The following FGF14 variants were observed in gnomAD, a reference collection of about 807,000 sequenced individuals.
FGF14 encodes fibroblast growth factor homologous factor 4.
FGF14 carries 5 observed loss-of-function variants against 25.5 expected under a neutral mutation model. The observed-to-expected ratio is 0.20, with a 90% CI of 0.10 to 0.41. The LOEUF is 0.41. Among genes scored for constraint, FGF14 ranks in the 10% least tolerant of loss-of-function variants. The probability of loss-of-function intolerance (pLI) is 1.00; values close to 1 mark genes in which losing one functional copy is unlikely to be tolerated. For synonymous variants in FGF14, 138 were observed against 118.3 expected (o/e 1.17, Z -1.08); for missense variants, 222 against 320.1 (o/e 0.69, Z 2.34).
chr13:102,199,392 T>C (rs2049510277), intron 1 of FGF14, among the ~76,000 whole-genome samples: 1 of 152,214 alleles, frequency 6.6e-6, no homozygotes, highest in African/African-American at 2.4e-5. Context: ...TGCTAGGTGG[T>C]GAGTTGGTGA....
chr13:102,375,468 T>C (rs1488137337), intron 1 of FGF14, among the ~76,000 whole-genome samples: 2 of 152,188 alleles, frequency 1.3e-5, no homozygotes, highest in Non-Finnish European at 2.9e-5. Context: ...TTTGACTCAA[T>C]TTATCGTTAT....
chr13:101,869,444 A>C (rs1486441903), intron 2 of FGF14, among the ~76,000 whole-genome samples: 1 of 152,236 alleles, frequency 6.6e-6, no homozygotes, highest in African/African-American at 2.4e-5. Context: ...CTCTGTTGAT[A>C]AAATGTTAAA....
intron 1 of FGF14, among the ~76,000 whole-genome samples, chr13:102,006,727 C>CTT (rs774872814): frequency 0.14 from 8,849 of 61,972 alleles, 2,525 homozygotes; most frequent in East Asian, 0.38. Flanking sequence ...AATCTTACTT[C>CTT]TTTTTTTTTT....
intron 3 of FGF14, among the ~76,000 whole-genome samples, chr13:101,776,848 A>G (rs536400889): frequency 7.2e-5 from 11 of 152,320 alleles, no homozygotes; most frequent in African/African-American, 2.2e-4. Context: ...GTTCAAGTTC[A>G]AGGCCCTGGC....
At position 101,860,394 on chromosome 13, in the gene FGF14, T is replaced by C. The variant is rs1020116485; in HGVS notation, c.408+8331A>G. ...AAAAGGTGAGCTCTATGTATGGTCA[T>C]GTCATTCTGCTTACTCCTAGTTCAA... On this transcript the variant is annotated intron_variant, in intron 3 of 4. Coordinates refer to ENST00000376143, the MANE Select transcript of FGF14 (RefSeq NM_004115.4). 4.6e-5 allele frequency among the ~76,000 whole-genome samples: 7 copies of C among 152,060 alleles called. No individual in the cohort carries two copies. The East Asian group carries it at 1.2e-3, about 25-fold the overall frequency.
At chr13:102,245,650 T>C (rs1216684316) in intron 1 of FGF14, among the ~76,000 whole-genome samples, 3 of 152,072 alleles carry the variant, frequency 2.0e-5, no homozygotes, top group Non-Finnish European at 4.4e-5. Flanking sequence ...ATAATTTTAA[T>C]AGGATGGTAG....
At chr13:101,815,240 T>A (rs1456063856) in intron 3 of FGF14, among the ~76,000 whole-genome samples, 1 of 151,376 alleles carries the variant, frequency 6.6e-6, no homozygotes, top group African/African-American at 2.4e-5. Flanking sequence ...GTGGGAGGAG[T>A]GAAGTGGAGG....
At chr13:102,084,528 T>C (rs984830418) in intron 1 of FGF14, among the ~76,000 whole-genome samples, 2 of 152,300 alleles carry the variant, frequency 1.3e-5, no homozygotes, top group African/African-American at 4.8e-5. Context: ...TGTGAACTAC[T>C]CATTAAAATG....
intron 1 of FGF14, among the ~76,000 whole-genome samples, chr13:102,148,123 A>G (rs910462475): frequency 1.3e-5 from 2 of 152,140 alleles, no homozygotes; most frequent in Admixed American, 1.3e-4. Flanking sequence ...ATCGAAAATG[A>G]AAGTTTCATC....
At chr13:102,134,125 T>C (rs546500104) in intron 1 of FGF14, among the ~76,000 whole-genome samples, 12 of 152,320 alleles carry the variant, frequency 7.9e-5, no homozygotes, top group African/African-American at 2.9e-4. Context: ...AAATAAGTTA[T>C]AGTCCCTGCC....
intron 3 of FGF14, among the ~76,000 whole-genome samples, chr13:101,813,536 C>A (rs1310194644): frequency 1.3e-5 from 2 of 152,146 alleles, no homozygotes; most frequent in African/African-American, 4.8e-5. Context: ...ACTTCCCAGC[C>A]CCTAGAATGG....
intron 3 of FGF14, among the ~76,000 whole-genome samples, chr13:101,737,829 A>G (rs1566837198): frequency 6.6e-6 from 1 of 152,148 alleles, no homozygotes; most frequent in Non-Finnish European, 1.5e-5. Flanking sequence ...AGACCTTTAT[A>G]TCAAACATTT....
At chr13:101,921,991 T>C (rs926735814) in intron 1 of FGF14, among the ~76,000 whole-genome samples, 4 of 152,230 alleles carry the variant, frequency 2.6e-5, no homozygotes, top group Non-Finnish European at 4.4e-5. Flanking sequence ...TTGGGCTGTC[T>C]TCCCCGTTTA....
intron 1 of FGF14, among the ~76,000 whole-genome samples, chr13:102,109,567 A>AT (rs1221039990): frequency 2.6e-5 from 4 of 152,130 alleles, no homozygotes; most frequent in Non-Finnish European, 5.9e-5. Context: ...TATAATCACT[A>AT]TTTTTTGTAA....
chr13:102,288,391 T>C (rs59939931), intron 1 of FGF14, among the ~76,000 whole-genome samples: 1,530 of 152,256 alleles, frequency 0.01, 23 homozygotes, highest in African/African-American at 0.034. Context: ...CATAATAATA[T>C]TCATAGAATT....
chr13:102,322,654 A>T (rs1260600908), intron 1 of FGF14, among the ~76,000 whole-genome samples: 1 of 152,188 alleles, frequency 6.6e-6, no homozygotes, highest in East Asian at 1.9e-4. Flanking sequence ...TGGTACAATT[A>T]TCATCATTGA....
chr13:102,382,885 T>C (rs1343572705), intron 1 of FGF14, among the ~76,000 whole-genome samples: 1 of 152,110 alleles, frequency 6.6e-6, no homozygotes, highest in Non-Finnish European at 1.5e-5. Flanking sequence ...TTATGAAATA[T>C]CTAGAATAAG....
intron 1 of FGF14, among the ~76,000 whole-genome samples, chr13:102,288,727 G>A (rs2054230675): frequency 6.6e-6 from 1 of 152,076 alleles, no homozygotes; most frequent in Non-Finnish European, 1.5e-5. Flanking sequence ...TGAGGTTACA[G>A]GCGCCTGCCA....
chr13:101,860,531 G>T (rs1339445261), intron 3 of FGF14, among the ~76,000 whole-genome samples: 1 of 152,010 alleles, frequency 6.6e-6, no homozygotes, highest in Non-Finnish European at 1.5e-5. Context: ...TTTAGACCTT[G>T]GTCACCAGCA....
Sources: gnomAD v4.1 joint callset for allele counts (sites outside exome capture counted in the v4.1 genomes callset) on GRCh38, gnomAD v4.1.1 for gene constraint, MANE v1.5 for transcripts, NCBI Gene and HGNC (gene_info 2026-07-23, HGNC 2026-07-21) for gene names.